SHANK2: variants seen among roughly 807,000 people sequenced by gnomAD.
SHANK2 encodes SH3 and multiple ankyrin repeat domains protein 2.
A neutral mutation model predicts 133.7 loss-of-function variants in SHANK2; 43 were observed. That is an observed-to-expected ratio of 0.32 (90% CI 0.25 to 0.41). The LOEUF (loss-of-function observed/expected upper bound fraction) is 0.41. Among genes scored for constraint, SHANK2 ranks in the 10% least tolerant of loss-of-function variants. SHANK2 has a pLI of 1.00. For missense variants in SHANK2, 1,994 were observed against 2,235.8 expected, an observed-to-expected ratio of 0.89 and a Z score of 2.18; for synonymous variants, 1,017 against 952.8, an observed-to-expected ratio of 1.07 and a Z score of -1.24.
intron 14 of SHANK2, among the ~76,000 whole-genome samples, chr11:70,740,834 C>A (rs551501180): frequency 2.2e-4 from 34 of 152,270 alleles, no homozygotes; most frequent in African/African-American, 7.5e-4. Flanking sequence ...CAAGGCCAGT[C>A]TGGTCCTATC....
chr11:70,797,705 G>A (rs1029570695), intron 14 of SHANK2, among the ~76,000 whole-genome samples: 6 of 152,200 alleles, frequency 3.9e-5, no homozygotes, highest in East Asian at 3.8e-4. Flanking sequence ...GTTGGTGGCC[G>A]CAGCGTCCGT....
chr11:70,897,707 G>C (rs782588298), intron 10 of SHANK2, among the ~76,000 whole-genome samples: 1 of 152,152 alleles, frequency 6.6e-6, no homozygotes, highest in African/African-American at 2.4e-5. Context: ...ATCTGGTAAG[G>C]TAGGGTGGGT....
chr11:71,250,581 G>A (rs919410092), intron 1 of SHANK2, among the ~76,000 whole-genome samples: 2 of 152,116 alleles, frequency 1.3e-5, no homozygotes, highest in African/African-American at 4.8e-5. Context: ...ACCCCCACAG[G>A]CTCAACCCTA....
chr11:70,756,870 C>G (rs1946887000), intron 14 of SHANK2, among the ~76,000 whole-genome samples: 1 of 152,110 alleles, frequency 6.6e-6, no homozygotes, highest in Admixed American at 6.6e-5. Flanking sequence ...TAGATCAGCA[C>G]AGAATGTTAC....
intron 1 of SHANK2, among the ~76,000 whole-genome samples, chr11:71,250,138 C>T (rs1555125622): frequency 6.6e-6 from 1 of 151,624 alleles, no homozygotes; most frequent in African/African-American, 2.4e-5. Flanking sequence ...GGGGGGGAAT[C>T]TAATTTGTTA....
chr11:70,929,288 A>T (rs560237461), intron 10 of SHANK2, among the ~76,000 whole-genome samples: 4 of 152,320 alleles, frequency 2.6e-5, no homozygotes, highest in Admixed American at 1.3e-4. Flanking sequence ...GGTCTGGGCA[A>T]TTTCCTCATC....
chr11:70,888,468 C>T (rs201367988), intron 11 of SHANK2, among the ~76,000 whole-genome samples: 4 of 27,714 alleles, frequency 1.4e-4, no homozygotes, highest in African/African-American at 1.6e-4. Flanking sequence ...CAATATGTGT[C>T]CCACCCTTGA....
At chr11:70,840,823 A>G (rs1555061481) in intron 11 of SHANK2, among the ~76,000 whole-genome samples, 2 of 152,190 alleles carry the variant, frequency 1.3e-5, no homozygotes, top group African/African-American at 4.8e-5. Flanking sequence ...CTCATGCTGC[A>G]GCCATCCCAG....
chr11:71,220,241 G>GAAACAAAC (rs568935181), intron 2 of SHANK2, among the ~76,000 whole-genome samples: 5 of 151,960 alleles, frequency 3.3e-5, no homozygotes, highest in African/African-American at 4.8e-5. Context: ...TCTCAAAACA[G>GAAACAAAC]AAACAAACAA....
intron 17 of SHANK2, among the ~76,000 whole-genome samples, chr11:70,578,884 A>T (rs1554984817): frequency 1.3e-5 from 2 of 152,044 alleles, no homozygotes; most frequent in African/African-American, 4.8e-5. Flanking sequence ...CTGCCGGGTC[A>T]CTCTCAGCTC....
intron 14 of SHANK2, among the ~76,000 whole-genome samples, chr11:70,747,724 A>G (rs144666213): frequency 8.9e-4 from 136 of 152,330 alleles, no homozygotes; most frequent in Non-Finnish European, 1.1e-3. Flanking sequence ...CTTGCTGCAC[A>G]TATGTATAGT....
At chr11:70,661,851 G>C (rs1031526029) in intron 15 of SHANK2, 173 bp from the exon 16 acceptor site, 17 of 1,576,904 alleles carry the variant, frequency 1.1e-5, no homozygotes, top group East Asian at 2.2e-5. Context: ...CGAAGGAAGA[G>C]GGGGGTGGCT....
chr11:70,480,214 C>A (rs185437632), intron 25 of SHANK2, among the ~76,000 whole-genome samples: 1 of 152,344 alleles, frequency 6.6e-6, no homozygotes, highest in East Asian at 1.9e-4. Flanking sequence ...GGCCTCAGGG[C>A]CTTGTACTCT....
chr11:70,759,688 G>C, intron 14 of SHANK2, among the ~76,000 whole-genome samples: 1 of 152,174 alleles, frequency 6.6e-6, no homozygotes. Context: ...TGTGAGGCAA[G>C]GGTGAAGTCA....
chr11:70,808,746 A>G (rs1398654861), intron 12 of SHANK2, among the ~76,000 whole-genome samples: 3 of 151,878 alleles, frequency 2.0e-5, no homozygotes, highest in African/African-American at 7.3e-5. Flanking sequence ...AAAAAACAAA[A>G]ACAAACAAAT....
At chr11:71,145,636 T>A (rs1952629146) in intron 3 of SHANK2, among the ~76,000 whole-genome samples, 1 of 151,952 alleles carries the variant, frequency 6.6e-6, no homozygotes, top group African/African-American at 2.4e-5. Context: ...CCCTGAGAGG[T>A]GCTAACCCCA....
intron 17 of SHANK2, among the ~76,000 whole-genome samples, chr11:70,630,052 C>T (rs34303238): frequency 0.051 from 7,775 of 152,316 alleles, 205 homozygotes; most frequent in South Asian, 0.068. Context: ...AGCATGCACA[C>T]TGCTTTTGCT....
intron 11 of SHANK2, among the ~76,000 whole-genome samples, chr11:70,849,623 T>C (rs1007861965): frequency 1.3e-5 from 2 of 152,168 alleles, no homozygotes; most frequent in African/African-American, 4.8e-5. Context: ...CTAATATACA[T>C]GTTAGCATGC....
chr11:70,920,580 A>T (rs1481910747), intron 10 of SHANK2, among the ~76,000 whole-genome samples: 1 of 152,232 alleles, frequency 6.6e-6, no homozygotes, highest in Non-Finnish European at 1.5e-5. Context: ...AAAATTAAAC[A>T]TAGCTGCTGG....
Sources: gnomAD v4.1 joint callset for allele counts (sites outside exome capture counted in the v4.1 genomes callset) on GRCh38, gnomAD v4.1.1 for gene constraint, MANE v1.5 for transcripts, NCBI Gene and HGNC (gene_info 2026-07-23, HGNC 2026-07-21) for gene names.